Variants in DGKK observed in about 807,000 individuals in gnomAD.
The protein encoded by DGKK is diacylglycerol kinase kappa.
In DGKK, 35 loss-of-function variants were observed where a neutral mutation model predicts 92.2. That is an observed-to-expected ratio of 0.38 (90% CI 0.29 to 0.50). DGKK has a LOEUF of 0.50. Among genes scored for constraint, DGKK ranks in the 20% least tolerant of loss-of-function variants. The pLI is 0.92. For synonymous variants in DGKK, 368 were observed against 360.6 expected (o/e 1.02, Z -0.23); for missense variants, 910 against 992.2 (o/e 0.92, Z 1.11).
At chrX:50,439,308 C>T (rs1428691063) in intron 1 of DGKK, among the ~76,000 whole-genome samples, 2 of 109,511 alleles carry the variant, frequency 1.8e-5, no homozygotes, top group Non-Finnish European at 3.8e-5. Context: ...CAGATAAATC[C>T]GAATTTGAAA....
chrX:50,420,595 G>C (rs782608338), intron 3 of DGKK, 88 bp from the exon 4 acceptor site: 20 of 791,353 alleles, frequency 2.5e-5, no homozygotes, highest in Non-Finnish European at 3.7e-5. Context: ...AAACTACACA[G>C]ATGTACCAAG....
At chrX:50,369,870 T>C (rs1230362705) in intron 27 of DGKK, among the ~76,000 whole-genome samples, 2 of 111,241 alleles carry the variant, frequency 1.8e-5, no homozygotes, top group African/African-American at 6.6e-5. Flanking sequence ...TTTTTCCATG[T>C]CCACTATTAC....
intron 4 of DGKK, among the ~76,000 whole-genome samples, chrX:50,413,127 G>A (rs1207081265): frequency 1.8e-5 from 2 of 110,469 alleles, no homozygotes; most frequent in African/African-American, 6.6e-5. Flanking sequence ...ACAGTCCATG[G>A]AAAAATTGTC....
In DGKK at chrX:50,368,064, A is replaced by G. The variant is rs1191029309; in HGVS notation, c.*876T>C. On this transcript the variant is annotated 3_prime_UTR_variant, in exon 28 of 28. Transcript: ENST00000611977. ...GTATTTTCAGCTCTTAAAAATATATATGCGTATGTATATATATATACATCT... is the reference window on the plus strand; with the variant it reads ...GTATTTTCAGCTCTTAAAAATATATGTGCGTATGTATATATATATACATCT... 1 of 110,698 alleles carries G rather than the reference A, an allele frequency of 9.0e-6. No individual in the cohort carries two copies. The highest frequency in any genetic ancestry group is 1.9e-5 in the Non-Finnish European group (1 of 53,021). 9.1% of individuals were successfully genotyped at this position (110,698 alleles called of 1,213,427 possible).
At chrX:50,457,109 C>T (rs186028095) in intron 1 of DGKK, among the ~76,000 whole-genome samples, 1 of 111,978 alleles carries the variant, frequency 8.9e-6, no homozygotes, top group Non-Finnish European at 1.9e-5. Flanking sequence ...CAAGTTACCA[C>T]GGAGCAAAGA....
At position 50,470,722 on chromosome X, in the gene DGKK, CT is replaced by C; in HGVS notation, c.-45del. On this transcript the variant is annotated 5_prime_UTR_variant, in exon 1 of 28. An upstream open reading frame in the 5' UTR gains an earlier in-frame stop. Transcript: ENST00000611977. ...GTCTGGGCAGCCTGAGTCCCTAAGC[CT>C]GGAAGGCTAAAGTACCCTCGGGCGC... The C allele has an allele frequency of 9.2e-7, 1 of 1,083,302 alleles. No homozygotes were observed. The allele number at this position is 1,083,302 out of a possible 1,213,427, so 89.3% of individuals were successfully genotyped here.
At chrX:50,421,704 G>A (rs782070656) in intron 3 of DGKK, among the ~76,000 whole-genome samples, 13 of 111,674 alleles carry the variant, frequency 1.2e-4, no homozygotes, top group Admixed American at 4.7e-4. Context: ...AGACCCAGCC[G>A]CTCTCCTTTC....
rs913391568 is a variant in DGKK at position 50,408,715 on chromosome X, C to G, written c.943-4531G>C. On this transcript the variant is annotated intron_variant, in intron 4 of 27. Transcript: ENST00000611977. ...CCCTTTCAAAATGGGAATATCTGTC[C>G]TATGCCTGTCTCAACATTGTATTTT... 2.7e-3 allele frequency among the ~76,000 whole-genome samples: 304 copies of G among 111,995 alleles called. 2 individuals carry two copies. Among genetic ancestry groups the G allele is most frequent in the African/African-American group, 9.2e-3 (283 of 30,812 alleles).
chrX:50,469,942 G>C, intron 1 of DGKK, 92 bp downstream of exon 1: 2 of 1,093,180 alleles, frequency 1.8e-6, no homozygotes, highest in Non-Finnish European at 2.4e-6. Flanking sequence ...CCAGACAAGC[G>C]GGATGCAAGG....
At chrX:50,466,584 C>G (rs1033035708) in intron 1 of DGKK, among the ~76,000 whole-genome samples, 3 of 111,603 alleles carry the variant, frequency 2.7e-5, no homozygotes, top group Non-Finnish European at 3.8e-5. Context: ...GTATTTACTT[C>G]TCACTCTGAA....
intron 1 of DGKK, among the ~76,000 whole-genome samples, chrX:50,448,876 A>G (rs1926429014): frequency 8.9e-6 from 1 of 111,782 alleles, no homozygotes; most frequent in Non-Finnish European, 1.9e-5. Context: ...GAACCTGTGA[A>G]GCAGGGAGGA....
chrX:50,456,142 G>C (rs1557232857), intron 1 of DGKK, among the ~76,000 whole-genome samples: 1 of 111,610 alleles, frequency 9.0e-6, no homozygotes, highest in African/African-American at 3.3e-5. Flanking sequence ...TGCCTGTTGG[G>C]GTTTCCTGCT....
chrX:50,458,677 T>C (rs1053423739), intron 1 of DGKK, among the ~76,000 whole-genome samples: 34 of 111,278 alleles, frequency 3.1e-4, no homozygotes, highest in Non-Finnish European at 5.3e-4. Flanking sequence ...CTTCAATGAT[T>C]GCACAACATT....
chrX:50,427,467 A>T (rs908230389), intron 1 of DGKK, among the ~76,000 whole-genome samples: 1 of 109,977 alleles, frequency 9.1e-6, no homozygotes, highest in Non-Finnish European at 1.9e-5. Flanking sequence ...AACTCATAGA[A>T]TGTACAACAC....
intron 1 of DGKK, 118 bp downstream of exon 1, chrX:50,469,916 T>C (rs1011093963): frequency 7.4e-5 from 77 of 1,040,186 alleles, no homozygotes; most frequent in Middle Eastern, 3.8e-4. Context: ...TTTCTCAGCA[T>C]CTTGGCCAGC....
chrX:50,426,940 C>T (rs886993794), intron 1 of DGKK, among the ~76,000 whole-genome samples: 7 of 111,511 alleles, frequency 6.3e-5, no homozygotes, highest in East Asian at 2.8e-4. Context: ...GACAGTTTGG[C>T]GGTTTCTTAC....
intron 1 of DGKK, among the ~76,000 whole-genome samples, chrX:50,466,948 A>G (rs1926923956): frequency 8.9e-6 from 1 of 111,980 alleles, no homozygotes; most frequent in Admixed American, 9.4e-5. Flanking sequence ...AAAGCCATGA[A>G]AGTGTATCTC....
At chrX:50,405,294 T>C (rs915721635) in intron 4 of DGKK, among the ~76,000 whole-genome samples, 1 of 110,874 alleles carries the variant, frequency 9.0e-6, no homozygotes, top group African/African-American at 3.3e-5. Context: ...AGCAACAGTT[T>C]TGAGATTGAA....
intron 1 of DGKK, among the ~76,000 whole-genome samples, chrX:50,427,059 A>T (rs1925762799): frequency 8.9e-6 from 1 of 112,443 alleles, no homozygotes; most frequent in Non-Finnish European, 1.9e-5. Flanking sequence ...GAATGTTTAT[A>T]GCAGTTTTAT....
Sources: gnomAD v4.1 joint callset for allele counts (sites outside exome capture counted in the v4.1 genomes callset) on GRCh38, gnomAD v4.1.1 for gene constraint, MANE v1.5 for transcripts, NCBI Gene and HGNC (gene_info 2026-07-23, HGNC 2026-07-21) for gene names.